The following VIRMA variants were observed in gnomAD, a reference collection of about 807,000 sequenced individuals.
The protein encoded by VIRMA is protein virilizer homolog.
In VIRMA, 65 loss-of-function variants were observed where a neutral mutation model predicts 182.4. That is an observed-to-expected ratio of 0.36 (90% CI 0.29 to 0.44). The LOEUF (loss-of-function observed/expected upper bound fraction) is 0.44, where lower values mean the gene tolerates loss of function less well. VIRMA is among the 20% of genes least tolerant of loss of function. The probability of loss-of-function intolerance (pLI) is 1.00; values close to 1 mark genes in which losing one functional copy is unlikely to be tolerated. For missense variants in VIRMA, 1,752 were observed against 2,158.1 expected (o/e 0.81, Z 3.73); for synonymous variants, 709 against 743.1 (o/e 0.95, Z 0.75).
At chr8:94,546,578 T>C (rs777540963) in intron 1 of VIRMA, among the ~76,000 whole-genome samples, 25 of 151,134 alleles carry the variant, frequency 1.7e-4, no homozygotes, top group Admixed American at 3.3e-4. Flanking sequence ...AAATTTTTAT[T>C]TCAATAGTTT....
chr8:94,491,657 A>G lies in VIRMA; in HGVS notation c.5061T>C (p.Arg1687=), dbSNP rs756875731. 6.2e-7 allele frequency: 1 copy of G among 1,614,004 alleles called. No individual in the cohort carries two copies. Among genetic ancestry groups the G allele is most frequent in the Non-Finnish European group, 8.5e-7 (1 of 1,180,022 alleles). Residue 1687 remains arginine (R), a synonymous_variant, in exon 22 of 24, where the codon CGT becomes CGC. Transcript: ENST00000297591. The part of the protein sequence containing the change: ...PLKVSQKISS[R]GGFSGNRGGR... ...CTCCTCTATTGCCTGAAAACCCACCACGGGAAGAAATCTTCTGTGATACTT... is the reference window on the plus strand; with the variant it reads ...CTCCTCTATTGCCTGAAAACCCACCGCGGGAAGAAATCTTCTGTGATACTT...
intron 11 of VIRMA, among the ~76,000 whole-genome samples, chr8:94,513,290 T>C (rs892977187): frequency 3.9e-5 from 6 of 152,128 alleles, no homozygotes; most frequent in African/African-American, 9.7e-5. Context: ...TGAGCTGAGA[T>C]TGAGCCACTG....
At chr8:94,500,764 G>C (rs1281914235) in intron 16 of VIRMA, among the ~76,000 whole-genome samples, 2 of 149,360 alleles carry the variant, frequency 1.3e-5, no homozygotes, top group Non-Finnish European at 3.0e-5. Flanking sequence ...CTACCCAAGA[G>C]AAATGAAAAC....
In VIRMA at chr8:94,488,991, T is replaced by G. The variant is rs1428465312; in HGVS notation, c.5285-131A>C. ...TTTTAAAGCTCACGTGCAAGCACGG[T>G]GAATGGGCCAAAGATTTTTGAATTA... is the stretch of plus-strand genomic sequence containing the variant. On this transcript the variant is annotated intron_variant, in intron 23 of 23. Coordinates refer to ENST00000297591, the MANE Select transcript of VIRMA (RefSeq NM_015496.5). 3.5e-6 allele frequency: 3 copies of G among 866,140 alleles called. No individual in the cohort carries two copies. The African/African-American group carries it at 5.1e-5, about 15-fold the overall frequency. The allele number at this position is 866,140 out of a possible 1,614,324, so 53.7% of individuals were successfully genotyped here.
chr8:94,509,452 A>C (rs1208191011), intron 15 of VIRMA, among the ~76,000 whole-genome samples: 2 of 152,110 alleles, frequency 1.3e-5, no homozygotes, highest in Non-Finnish European at 2.9e-5. Context: ...AAGGAAAATG[A>C]ATTAGACCCT....
At chr8:94,515,476 A>G (rs950600258) in intron 10 of VIRMA, among the ~76,000 whole-genome samples, 9 of 151,884 alleles carry the variant, frequency 5.9e-5, no homozygotes, top group African/African-American at 1.9e-4. Context: ...AACTCAATCA[A>G]TCCTCCTGCT....
chr8:94,545,139 AAG>A (rs969891550), intron 1 of VIRMA, among the ~76,000 whole-genome samples: 19 of 152,332 alleles, frequency 1.2e-4, no homozygotes, highest in African/African-American at 4.3e-4. Flanking sequence ...CTGGGGAAAA[AAG>A]AAAAACAAAC....
chr8:94,522,239 C>T (rs3133647), intron 8 of VIRMA, among the ~76,000 whole-genome samples: 18,275 of 152,074 alleles, frequency 0.12, 1,598 homozygotes, highest in African/African-American at 0.24. Flanking sequence ...GCCTGGGTGC[C>T]GAGTTTCTAA....
At chr8:94,493,329 C>A (rs1232068655) in intron 20 of VIRMA, among the ~76,000 whole-genome samples, 2 of 152,104 alleles carry the variant, frequency 1.3e-5, no homozygotes, top group Non-Finnish European at 1.5e-5. Flanking sequence ...ATGTAAGATA[C>A]CTAAAATTTC....
In VIRMA at chr8:94,553,380, C is replaced by T; in HGVS notation, c.63+5G>A. 6.2e-7 allele frequency: 1 copy of T among 1,614,022 alleles called. No individual in the cohort carries two copies. The highest frequency in any genetic ancestry group is 8.5e-7 in the Non-Finnish European group (1 of 1,179,870). On this transcript the variant is annotated splice_donor_5th_base_variant and intron_variant, in intron 1 of 23. Transcript: ENST00000297591. ...CAGCGTCAGAATCAAGTCGCCAAGC[C>T]TTACCTCAGCGCTCGGGTGTTTAAA...
At chr8:94,552,049 A>G (rs1816006660) in intron 1 of VIRMA, among the ~76,000 whole-genome samples, 1 of 152,180 alleles carries the variant, frequency 6.6e-6, no homozygotes, top group African/African-American at 2.4e-5. Flanking sequence ...CTCTATTTCT[A>G]TACACCATAA....
At chr8:94,488,884 T>C (rs1443915557) in intron 23 of VIRMA, 24 bp from the exon 24 acceptor site, 3 of 1,603,558 alleles carry the variant, frequency 1.9e-6, no homozygotes, top group Non-Finnish European at 2.6e-6. Context: ...AATACAGTTT[T>C]TAGTTCCAAT....
At position 94,491,882 on chromosome 8, in the gene VIRMA, G is replaced by C. The variant is rs778621449; in HGVS notation, c.4836C>G (p.Ala1612=). 1 of 1,601,086 alleles carries C rather than the reference G, an allele frequency of 6.2e-7. No homozygotes were observed. Among genetic ancestry groups the C allele is most frequent in the Admixed American group, 1.7e-5 (1 of 58,444 alleles). ...GTGGTGGCACAACATGAGCTCTTTT[G>C]GCAGGTTCAATGTATTCAGATTTTC... ...SSGKSEYIEP[A]KRAHVVPPPR... The change falls in exon 22 of 24, where the codon GCC becomes GCG. Residue 1612 remains alanine (A), a synonymous_variant. Coordinates refer to ENST00000297591, the MANE Select transcript of VIRMA (RefSeq NM_015496.5).
chr8:94,507,791 A>G (rs1814211398), intron 15 of VIRMA, among the ~76,000 whole-genome samples: 3 of 151,864 alleles, frequency 2.0e-5, no homozygotes, highest in Admixed American at 2.0e-4. Flanking sequence ...GCCCCCTGCA[A>G]TTTAAAATAT....
chr8:94,489,823 G>C, intron 23 of VIRMA, 116 bp downstream of exon 23: 1 of 1,126,876 alleles, frequency 8.9e-7, no homozygotes, highest in East Asian at 2.4e-5. Context: ...TGACTGTGTG[G>C]AGCAAGGAGA....
In VIRMA at chr8:94,506,594, C is replaced by G. The variant is rs568240477; in HGVS notation, c.4003G>C (p.Ala1335Pro). Residue 1335 changes from alanine to proline, a missense_variant, in exon 16 of 24, where the codon GCT becomes CCT. By Grantham distance (27) the Ala-to-Pro change is conservative. Around this residue, in one of 11 missense-constraint regions of VIRMA, gnomAD observed 777 missense variants for 920.6 expected, o/e 0.84. Transcript: ENST00000297591. ...SICDCLLATL[A>P]NSESSYNCLL... is the part of the protein sequence containing the mutation. ...CAGTTGTAACTGCTCTCAGAGTTAG[C>G]TAGCGTAGCCAACAGACAGTCACAG... The G allele has an allele frequency of 6.2e-7, 1 of 1,613,788 alleles. No individual in the cohort carries two copies. Among genetic ancestry groups the G allele is most frequent in the Non-Finnish European group, 8.5e-7 (1 of 1,179,760 alleles).
intron 4 of VIRMA, among the ~76,000 whole-genome samples, chr8:94,536,622 C>T (rs1356733793): frequency 3.3e-5 from 5 of 152,158 alleles, no homozygotes; most frequent in African/African-American, 7.2e-5. Flanking sequence ...AGGTAGAGAA[C>T]GGCATTACAA....
chr8:94,515,022 C>A, intron 10 of VIRMA, 71 bp from the exon 11 acceptor site: 1 of 793,266 alleles, frequency 1.3e-6, no homozygotes, highest in East Asian at 2.8e-5. Context: ...AATATTTTTT[C>A]CAAAGAAAAT....
Position 94,511,320 on chromosome 8 carries a change from A to G in VIRMA, c.3255T>C (p.Thr1085=), listed in dbSNP as rs1305090969. The G allele has an allele frequency of 1.2e-6, 2 of 1,613,812 alleles. No homozygotes were observed. The highest frequency in any genetic ancestry group is 1.7e-6 in the Non-Finnish European group (2 of 1,179,920). The change falls in exon 13 of 24, where the codon ACT becomes ACC. Residue 1085 remains threonine (T), a synonymous_variant. Transcript: ENST00000297591. ...VNEKLTISEE[T]LANNTWSLML... ...TTAAAGACCAAGTATTATTGGCCAG[A>G]GTCTCTTCTGAGATTGTGAGTTTTT...
Sources: allele counts gnomAD v4.1 joint callset (sites outside exome capture counted in the v4.1 genomes callset), GRCh38; gene constraint gnomAD v4.1.1; regional missense constraint gnomAD v4.1.1; transcripts MANE v1.5; gene names NCBI Gene and HGNC (gene_info 2026-07-23, HGNC 2026-07-21).